The following ABCA13 variants were observed in gnomAD, a reference collection of about 807,000 sequenced individuals.
The protein encoded by ABCA13 is ATP-binding cassette sub-family A member 13.
ABCA13 carries 476 observed loss-of-function variants against 478.7 expected under a neutral mutation model. The observed-to-expected ratio is 0.99, with a 90% CI of 0.92 to 1.07. The LOEUF (loss-of-function observed/expected upper bound fraction) is 1.07, where lower values mean the gene tolerates loss of function less well. ABCA13 is among the 50% of genes least tolerant of loss of function. ABCA13 has a pLI of 0.00. For synonymous variants in ABCA13, 2,252 were observed against 2,158.9 expected (o/e 1.04, Z -1.20); for missense variants, 6,060 against 5,910.6 (o/e 1.03, Z -0.83).
chr7:48,581,000 G>T (rs982462960), intron 56 of ABCA13, among the ~76,000 whole-genome samples: 4 of 152,156 alleles, frequency 2.6e-5, no homozygotes, highest in African/African-American at 9.7e-5. Flanking sequence ...GTGAGTAGAG[G>T]TCAGCGAAGC....
chr7:48,290,068 C>T (rs1204194620), intron 20 of ABCA13, among the ~76,000 whole-genome samples: 2 of 152,174 alleles, frequency 1.3e-5, no homozygotes, highest in East Asian at 1.9e-4. Context: ...ATGGAATTCC[C>T]ATTTAGAGAG....
At chr7:48,633,310 C>G (rs918607601) in intron 59 of ABCA13, among the ~76,000 whole-genome samples, 1 of 152,032 alleles carries the variant, frequency 6.6e-6, no homozygotes, top group Admixed American at 6.6e-5. Context: ...CTTAGGCAGC[C>G]ACATAATAAT....
chr7:48,468,511 A>G lies in ABCA13; in HGVS notation c.12905+1466A>G, dbSNP rs1381844045. On this transcript the variant is annotated intron_variant, in intron 44 of 61. Coordinates refer to ENST00000435803, the MANE Select transcript of ABCA13 (RefSeq NM_152701.5). ...AACAAAAGGGTAGGAGGAGAGGTAC[A>G]TGAAAAGATGCTGTGAACACTTGTA... is the stretch of plus-strand genomic sequence containing the variant. Among the ~76,000 whole-genome samples, 4 of 152,242 alleles carry G rather than the reference A, an allele frequency of 2.6e-5. 1 individual carries two copies. The East Asian group carries it at 5.8e-4, about 22-fold the overall frequency.
intron 41 of ABCA13, among the ~76,000 whole-genome samples, chr7:48,423,547 T>A (rs550008389): frequency 6.6e-6 from 1 of 152,266 alleles, no homozygotes; most frequent in East Asian, 1.9e-4. Flanking sequence ...GGCATAGGAC[T>A]CATGGCTGAG....
chr7:48,330,249 C>T (rs895348150), intron 27 of ABCA13, among the ~76,000 whole-genome samples: 8 of 151,852 alleles, frequency 5.3e-5, no homozygotes, highest in African/African-American at 1.7e-4. Context: ...ATCCATTCAT[C>T]CATGTATTCA....
At chr7:48,378,945 C>T (rs1473111352) in intron 35 of ABCA13, among the ~76,000 whole-genome samples, 2 of 152,316 alleles carry the variant, frequency 1.3e-5, no homozygotes, top group African/African-American at 2.4e-5. Flanking sequence ...GGCAGACACT[C>T]ATTTCAACAT....
At chr7:48,504,034 AAAC>A (rs1830985613) in intron 48 of ABCA13, among the ~76,000 whole-genome samples, 1 of 152,236 alleles carries the variant, frequency 6.6e-6, no homozygotes, top group Admixed American at 6.5e-5. Context: ...GCTGGAAACA[AAAC>A]AAACAAAATG....
intron 1 of ABCA13, among the ~76,000 whole-genome samples, chr7:48,182,498 C>T (rs142156589): frequency 2.0e-4 from 31 of 152,204 alleles, no homozygotes; most frequent in African/African-American, 5.5e-4. Context: ...TTGTGTGTCT[C>T]CTTGGAGTAC....
chr7:48,555,334 A>C (rs560877379), intron 55 of ABCA13, among the ~76,000 whole-genome samples: 1 of 151,952 alleles, frequency 6.6e-6, no homozygotes, highest in African/African-American at 2.4e-5. Flanking sequence ...TTAAGGTAAT[A>C]CTGGCCTCAT....
chr7:48,210,486 T>G (rs1189307865), intron 3 of ABCA13, among the ~76,000 whole-genome samples: 1 of 152,192 alleles, frequency 6.6e-6, no homozygotes, highest in African/African-American at 2.4e-5. Context: ...GCTATAAACT[T>G]GCCTCTTAAT....
intron 38 of ABCA13, among the ~76,000 whole-genome samples, chr7:48,393,167 G>A (rs1032144706): frequency 6.6e-6 from 1 of 152,226 alleles, no homozygotes; most frequent in Admixed American, 6.5e-5. Flanking sequence ...GACCATGGAA[G>A]CATGGATTGG....
At position 48,483,534 on chromosome 7, in the gene ABCA13, G is replaced by C. The variant is rs557098718; in HGVS notation, c.13182+371G>C. Among the ~76,000 whole-genome samples, 3 of 152,344 alleles carry C rather than the reference G, an allele frequency of 2.0e-5. 1 individual carries two copies. In the South Asian group the frequency reaches 6.2e-4, roughly 32 times the overall value. ...GCCTTATCTTCCAGAAGGCTGGATA[G>C]ATAGGCCTGGAGATGACACAAAGAA... On this transcript the variant is annotated intron_variant, in intron 47 of 61. Transcript: ENST00000435803.
At chr7:48,355,755 C>T (rs115530993) in intron 31 of ABCA13, among the ~76,000 whole-genome samples, 4 of 151,854 alleles carry the variant, frequency 2.6e-5, no homozygotes, top group African/African-American at 4.9e-5. Context: ...AGAGAGACAT[C>T]GAGGAAGATT....
At chr7:48,404,791 A>G (rs1818043462) in intron 39 of ABCA13, 1 of 152,216 alleles carries the variant, frequency 6.6e-6, no homozygotes, top group Non-Finnish European at 1.5e-5. Context: ...AAGCTTAACC[A>G]TAGGCTGGAG....
At position 48,227,399 on chromosome 7, in the gene ABCA13, A is replaced by C. The variant is rs773456827; in HGVS notation, c.606A>C (p.Ala202=). ...ATGTGGAAGATGGCATGGATGTTGC[A>C]GTGAACCTTCTCCAGACCATTTTGA... is the stretch of plus-strand genomic sequence containing the variant. The part of the protein sequence containing the change: ...HDHVEDGMDV[A]VNLLQTILNS... Residue 202 remains alanine, a synonymous_variant, in exon 6 of 62, where the codon GCA becomes GCC. Transcript: ENST00000435803. 1.9e-6 allele frequency: 3 copies of C among 1,614,026 alleles called. No individual in the cohort carries two copies. The highest frequency in any genetic ancestry group is 2.5e-6 in the Non-Finnish European group (3 of 1,179,890).
At position 48,580,350 on chromosome 7, in the gene ABCA13, G is replaced by A. The variant is rs753363913; in HGVS notation, c.14481G>A (p.Gly4827=). The A allele has an allele frequency of 1.8e-5, 29 of 1,612,690 alleles. No homozygotes were observed. The East Asian group carries it at 2.9e-4, about 16-fold the overall frequency. ...TCTATTATTACTGTAGCTTACGCGG[G>A]ATTCCAAGGCAGTGCATCCCTGAGG... ...EHLYYYCSLR[G]IPRQCIPEVA... Residue 4827 remains glycine, a synonymous_variant, in exon 56 of 62, where the codon GGG becomes GGA. Coordinates refer to ENST00000435803, the MANE Select transcript of ABCA13 (RefSeq NM_152701.5).
intron 58 of ABCA13, chr7:48,611,903 T>C (rs1285572643): frequency 6.6e-6 from 1 of 152,208 alleles, no homozygotes; most frequent in Non-Finnish European, 1.5e-5. Flanking sequence ...TGAAATTAAT[T>C]AAAGAAATAT....
At chr7:48,611,385 T>G (rs1465994253) in intron 58 of ABCA13, among the ~76,000 whole-genome samples, 3 of 152,184 alleles carry the variant, frequency 2.0e-5, no homozygotes. Context: ...GCTTTCACAT[T>G]TTCAGGTATC....
chr7:48,314,493 C>G (rs78599145), intron 26 of ABCA13, 84 bp downstream of exon 26: 1 of 1,271,742 alleles, frequency 7.9e-7, no homozygotes, highest in Non-Finnish European at 1.1e-6. Context: ...AGTATTCTGT[C>G]TGTGTATAAG....
Sources: gnomAD v4.1 joint callset for allele counts (sites outside exome capture counted in the v4.1 genomes callset) on GRCh38, gnomAD v4.1.1 for gene constraint, MANE v1.5 for transcripts, NCBI Gene and HGNC (gene_info 2026-07-23, HGNC 2026-07-21) for gene names.